The following PTCD1 variants were observed in gnomAD, a reference collection of about 807,000 sequenced individuals.
PTCD1 encodes pentatricopeptide repeat domain 1.
A neutral mutation model predicts 53.4 loss-of-function variants in PTCD1; 50 were observed. The ratio of observed to expected loss-of-function variants is 0.94; its 90% CI spans 0.75 to 1.19. The LOEUF (loss-of-function observed/expected upper bound fraction) is 1.19. Among genes scored for constraint, PTCD1 ranks in the 50% most tolerant of loss-of-function variants. The probability of loss-of-function intolerance (pLI) is 0.00; values close to 1 mark genes in which losing one functional copy is unlikely to be tolerated. For synonymous variants in PTCD1, 413 were observed against 394.8 expected (o/e 1.05, Z -0.55); for missense variants, 918 against 904.8 (o/e 1.01, Z -0.19).
chr7:99,438,465 G>A, intron 1 of PTCD1: 1 of 1,058,338 alleles, frequency 9.4e-7, no homozygotes, highest in South Asian at 2.1e-5. Context: ...AAAAAACCCT[G>A]AATTAGAGAC....
chr7:99,438,125 T>TA lies in PTCD1; in HGVS notation c.-27+566dup, dbSNP rs548855964. ...CACAAGCTCATTACCCCACCCTGGT[T>TA]AAAAAAAACCCTGAATTAGGCTGTA... is the stretch of plus-strand genomic sequence containing the variant. On this transcript the variant is annotated intron_variant, in intron 1 of 7. Coordinates refer to ENST00000292478, the MANE Select transcript of PTCD1 (RefSeq NM_015545.4). Among the ~76,000 whole-genome samples the TA allele has an allele frequency of 1.5e-3, 222 of 151,790 alleles. 2 individuals carry two copies. In the South Asian group the frequency reaches 0.023, roughly 16 times the overall value.
In PTCD1 at chr7:99,419,788, A is replaced by T; in HGVS notation, c.*179T>A. ...CAAAGGTGGCTGGAGCTGCACTTGG[A>T]CCTGCTGGGAGCACAGGCACCTTGG... On this transcript the variant is annotated 3_prime_UTR_variant, in exon 8 of 8. Coordinates refer to ENST00000292478, the MANE Select transcript of PTCD1 (RefSeq NM_015545.4). 9.7e-7 allele frequency: 1 copy of T among 1,031,528 alleles called. No individual in the cohort carries two copies. The highest frequency in any genetic ancestry group is 2.5e-5 in the Admixed American group (1 of 39,580). 63.9% of individuals were successfully genotyped at this position (1,031,528 alleles called of 1,614,324 possible).
chr7:99,417,050 T>C lies in PTCD1; in HGVS notation c.*2917A>G, dbSNP rs1795522468. 4.3e-6 allele frequency: 1 copy of C among 234,350 alleles called. No individual in the cohort carries two copies. The highest frequency in any genetic ancestry group is 4.7e-5 in the South Asian group (1 of 21,278). The allele number at this position is 234,350 out of a possible 1,614,324, so 14.5% of individuals were successfully genotyped here. The stretch of plus-strand genomic sequence containing the variant: ...GTTCCTCCTCCAAGGACTGTCCCGT[T>C]GCAATACTGAATGCCTTTTTTTTTT... On this transcript the variant is annotated 3_prime_UTR_variant, in exon 8 of 8. Coordinates refer to ENST00000292478, the MANE Select transcript of PTCD1 (RefSeq NM_015545.4).
At chr7:99,433,018 G>T in intron 3 of PTCD1, 1 of 555,874 alleles carries the variant, frequency 1.8e-6, no homozygotes, top group Non-Finnish European at 3.2e-6. Flanking sequence ...TCCAGCCTAG[G>T]TGACAGAGTG....
rs1796167748 is a variant in PTCD1, at chr7:99,429,207, G to T, written c.814-3C>A. 1.9e-6 allele frequency: 3 copies of T among 1,614,086 alleles called. No homozygotes were observed. Among genetic ancestry groups the T allele is most frequent in the Non-Finnish European group, 2.5e-6 (3 of 1,179,992 alleles). The stretch of plus-strand genomic sequence containing the variant: ...ACGTGCCCTTTGTGGATGATTTCCT[G>T]GGGGAGGGAACAAAGACGTCCCACT... On this transcript the variant is annotated splice_polypyrimidine_tract_variant and splice_region_variant and intron_variant, in intron 4 of 7. Transcript: ENST00000292478.
Position 99,417,645 on chromosome 7 carries a change from C to G in PTCD1, c.*2322G>C, listed in dbSNP as rs377490306. The G allele has an allele frequency of 4.3e-4, 686 of 1,601,212 alleles. No individual in the cohort carries two copies. Among genetic ancestry groups the G allele is most frequent in the Middle Eastern group, 6.6e-4 (4 of 6,060 alleles). ...TGTTGTTTTCAGCTCAAAATTCTGC[C>G]TTAGTCGACTGCAAGGGATCTTATG... On this transcript the variant is annotated 3_prime_UTR_variant, in exon 8 of 8. Coordinates refer to ENST00000292478, the MANE Select transcript of PTCD1 (RefSeq NM_015545.4).
chr7:99,420,274 G>A, intron 7 of PTCD1, 125 bp from the exon 8 acceptor site: 5 of 1,370,770 alleles, frequency 3.6e-6, no homozygotes, highest in Non-Finnish European at 5.1e-6. Context: ...GGCTGCAGAG[G>A]ACAGGGCAGA....
At position 99,419,990 on chromosome 7, in the gene PTCD1, C is replaced by T. The variant is rs139817209; in HGVS notation, c.2080G>A (p.Gly694Arg). ...DQDTGKEADD[G>R]CALGGR ...CATCACCTGCCCCCAAGGGCACATC[C>T]GTCATCAGCCTCCTTGCCGGTGTCC... The change falls in exon 8 of 8, where the codon GGA becomes AGA. Residue 694 changes from glycine (G) to arginine (R), a missense_variant. Physicochemically the swap from Gly to Arg is moderately radical, Grantham distance 125. Coordinates refer to ENST00000292478, the MANE Select transcript of PTCD1 (RefSeq NM_015545.4). The T allele has an allele frequency of 7.1e-5, 114 of 1,614,226 alleles. No homozygotes were observed. Among genetic ancestry groups the T allele is most frequent in the South Asian group, 4.3e-4 (39 of 91,080 alleles).
At chr7:99,428,930 C>T (rs1043132013) in intron 5 of PTCD1, among the ~76,000 whole-genome samples, 173 bp downstream of exon 5, 4 of 152,060 alleles carry the variant, frequency 2.6e-5, no homozygotes, top group African/African-American at 9.7e-5. Flanking sequence ...CTCCAAGGGC[C>T]TCCTCTCCCT....
intron 2 of PTCD1, among the ~76,000 whole-genome samples, chr7:99,434,051 C>CAAAAAAAAA (rs552163766): frequency 2.1e-5 from 1 of 48,668 alleles, no homozygotes; most frequent in Non-Finnish European, 3.9e-5. Context: ...GACTCCATCT[C>CAAAAAAAAA]AAAAAAAAAA....
At chr7:99,427,213 G>C (rs1393637066) in intron 5 of PTCD1, among the ~76,000 whole-genome samples, 1 of 146,952 alleles carries the variant, frequency 6.8e-6, no homozygotes, top group South Asian at 2.2e-4. Flanking sequence ...CAGCCGCCCC[G>C]TCCGGGAGGT....
chr7:99,417,970 TCTTTCCCG>T lies in PTCD1; in HGVS notation c.*1989_*1996del. 8.4e-7 allele frequency: 1 copy of T among 1,190,218 alleles called. No individual in the cohort carries two copies. Among genetic ancestry groups the T allele is most frequent in the South Asian group, 1.6e-5 (1 of 61,436 alleles). The allele number at this position is 1,190,218 out of a possible 1,614,324, so 73.7% of individuals were successfully genotyped here. A position where few individuals can be genotyped will look rare whatever the true frequency, so the allele number is the denominator to read the frequency against. On this transcript the variant is annotated 3_prime_UTR_variant, in exon 8 of 8. Coordinates refer to ENST00000292478, the MANE Select transcript of PTCD1 (RefSeq NM_015545.4). The stretch of plus-strand genomic sequence containing the variant: ...TGATACTTTAACATTACCATCACTA[TCTTTCCCG>T]CCCCCCCAAGACGGAGTCTTGCTTT...
intron 2 of PTCD1, 28 bp from the exon 3 acceptor site, chr7:99,433,446 G>A (rs763454061): frequency 1.9e-6 from 3 of 1,613,922 alleles, no homozygotes; most frequent in East Asian, 4.5e-5. Context: ...CAGGGCAGGG[G>A]CTCAGAATGG....
Position 99,417,460 on chromosome 7 carries a change from T to C in PTCD1, c.*2507A>G. 6.2e-7 allele frequency: 1 copy of C among 1,613,326 alleles called. No individual in the cohort carries two copies. The highest frequency in any genetic ancestry group is 8.5e-7 in the Non-Finnish European group (1 of 1,179,732). ...ATGAATATTGTATTAAAGAAGGCTA[T>C]GCAGACAAAAACCTGATTGCAAAAT... On this transcript the variant is annotated 3_prime_UTR_variant, in exon 8 of 8. Transcript: ENST00000292478.
In PTCD1 at chr7:99,434,814, G is replaced by A. The variant is rs778202227; in HGVS notation, c.429C>T (p.Cys143=). 7 of 1,614,140 alleles carry A rather than the reference G, an allele frequency of 4.3e-6. No individual in the cohort carries two copies. Among genetic ancestry groups the A allele is most frequent in the Non-Finnish European group, 8.5e-7 (1 of 1,180,028 alleles). ...CCTTCCCTTCCTTGATCAGGTGTTT[G>A]CACTGCAAGAAGTACCAGTACGGGG... ...RNTPYWYFLQ[C]KHLIKEGKLV... Residue 143 remains cysteine, a synonymous_variant, in exon 2 of 8, where the codon TGC becomes TGT. Transcript: ENST00000292478.
At chr7:99,425,690 C>T in intron 5 of PTCD1, 74 bp from the exon 6 acceptor site, 1 of 1,536,850 alleles carries the variant, frequency 6.5e-7, no homozygotes, top group South Asian at 1.2e-5. Context: ...GCCTGGAATC[C>T]CAGCACCTTG....
chr7:99,438,370 G>A (rs551890710), intron 1 of PTCD1, among the ~76,000 whole-genome samples: 4 of 152,068 alleles, frequency 2.6e-5, no homozygotes, highest in Non-Finnish European at 5.9e-5. Context: ...GGGAGGCTGA[G>A]GTGGGAGGAT....
chr7:99,421,656 G>A (rs56992635), intron 7 of PTCD1, among the ~76,000 whole-genome samples: 1 of 151,206 alleles, frequency 6.6e-6, no homozygotes, highest in Non-Finnish European at 1.5e-5. Flanking sequence ...TCGGGAGGCT[G>A]AGGCAGGAAA....
At chr7:99,437,153 T>C (rs1048022543) in intron 1 of PTCD1, among the ~76,000 whole-genome samples, 1 of 152,262 alleles carries the variant, frequency 6.6e-6, no homozygotes, top group East Asian at 1.9e-4. Context: ...GGCGTAAGCC[T>C]CCATGCCCTG....
Sources: gnomAD v4.1 joint callset for allele counts (sites outside exome capture counted in the v4.1 genomes callset) on GRCh38, gnomAD v4.1.1 for gene constraint, MANE v1.5 for transcripts, NCBI Gene and HGNC (gene_info 2026-07-23, HGNC 2026-07-21) for gene names.